Variants in EPHA6 observed in about 807,000 individuals in gnomAD.
EPHA6 encodes EPH receptor A6.
A neutral mutation model predicts 112.0 loss-of-function variants in EPHA6; 50 were observed. That is an observed-to-expected ratio of 0.45 (90% confidence interval 0.36 to 0.56). The LOEUF (loss-of-function observed/expected upper bound fraction) is 0.56. Among genes scored for constraint, EPHA6 ranks in the 20% least tolerant of loss-of-function variants. The pLI, the probability that EPHA6 is intolerant of heterozygous loss-of-function variation, is 0.00. For synonymous variants in EPHA6, 529 were observed against 490.7 expected, an observed-to-expected ratio of 1.08 and a Z score of -1.03; for missense variants, 1,280 against 1,417.4, an observed-to-expected ratio of 0.90 and a Z score of 1.56.
intron 13 of EPHA6, among the ~76,000 whole-genome samples, chr3:97,614,133 A>C (rs2093743167): frequency 6.6e-6 from 1 of 152,078 alleles, no homozygotes; most frequent in Non-Finnish European, 1.5e-5. Flanking sequence ...ATTATACTTT[A>C]AGTTTTAGGG....
rs2084487821 is a variant in EPHA6, at chr3:97,363,210, AT to A, written c.1607-41939del. Among the ~76,000 whole-genome samples, 7 of 87,588 alleles carry A rather than the reference AT, an allele frequency of 8.0e-5. 1 individual carries two copies. The South Asian group carries it at 1.1e-3, about 13-fold the overall frequency. 57.5% of individuals were successfully genotyped at this position (87,588 alleles called of 152,430 possible). On this transcript the variant is annotated intron_variant, in intron 5 of 17. Coordinates refer to ENST00000389672, the MANE Select transcript of EPHA6 (RefSeq NM_001080448.3). ...TATATATATATATATATATATATAT[AT>A]ATATATATATATATATATATATATA...
intron 2 of EPHA6, among the ~76,000 whole-genome samples, chr3:96,895,831 C>T (rs1338777269): frequency 6.6e-6 from 1 of 152,182 alleles, no homozygotes; most frequent in East Asian, 1.9e-4. Flanking sequence ...CATCTTTCCT[C>T]CGTGTATATC....
intron 3 of EPHA6, among the ~76,000 whole-genome samples, chr3:97,149,846 TATA>T (rs1291150860): frequency 6.7e-6 from 1 of 149,288 alleles, no homozygotes; most frequent in Non-Finnish European, 1.5e-5. Context: ...TATAATGTAT[TATA>T]ATACATATAA....
At chr3:96,964,611 T>A (rs1343489579) in intron 2 of EPHA6, among the ~76,000 whole-genome samples, 1 of 152,218 alleles carries the variant, frequency 6.6e-6, no homozygotes, top group Non-Finnish European at 1.5e-5. Flanking sequence ...TAGCACTGAT[T>A]GATGCATACG....
At chr3:96,965,902 C>T (rs1559628619) in intron 2 of EPHA6, among the ~76,000 whole-genome samples, 1 of 151,960 alleles carries the variant, frequency 6.6e-6, no homozygotes, top group Non-Finnish European at 1.5e-5. Flanking sequence ...AGAATAGTTG[C>T]ACTGTGATTT....
chr3:97,654,922 A>G (rs1162175674), intron 14 of EPHA6, among the ~76,000 whole-genome samples: 1 of 151,454 alleles, frequency 6.6e-6, no homozygotes, highest in Non-Finnish European at 1.5e-5. Context: ...CTGTATATTG[A>G]GATTGATTTA....
intron 5 of EPHA6, among the ~76,000 whole-genome samples, chr3:97,380,316 G>A (rs1056707892): frequency 4.6e-5 from 7 of 152,068 alleles, no homozygotes; most frequent in South Asian, 2.1e-4. Flanking sequence ...ATCTATACTC[G>A]GGTAGAATAA....
At chr3:97,264,060 C>A (rs79785052) in intron 5 of EPHA6, among the ~76,000 whole-genome samples, 11,560 of 152,230 alleles carry the variant, frequency 0.076, 982 homozygotes, top group Admixed American at 0.21. Context: ...GCAGGTTATA[C>A]ATTTTCTGTC....
chr3:97,466,173 A>AT lies in EPHA6; in HGVS notation c.1895-9176dup, dbSNP rs1410707453. On this transcript the variant is annotated intron_variant, in intron 7 of 17. Coordinates refer to ENST00000389672, the MANE Select transcript of EPHA6 (RefSeq NM_001080448.3). Reference sequence around the variant, plus strand: ...AGAAAGGTAAGCACATTTCCACTCCATTTCACCCTACACTTCCAATCCTAT... The same window carrying AT: ...AGAAAGGTAAGCACATTTCCACTCCATTTTCACCCTACACTTCCAATCCTAT... 7 of 681,610 alleles carry AT rather than the reference A, an allele frequency of 1.0e-5. No homozygotes were observed. The Admixed American group carries it at 1.3e-4, about 13-fold the overall frequency. 42.2% of individuals were successfully genotyped at this position (681,610 alleles called of 1,614,324 possible).
At chr3:97,520,236 G>A (rs2092518846) in intron 10 of EPHA6, among the ~76,000 whole-genome samples, 1 of 151,966 alleles carries the variant, frequency 6.6e-6, no homozygotes, top group Admixed American at 6.6e-5. Context: ...CAAAGTGCTG[G>A]GATTACAGGT....
intron 13 of EPHA6, among the ~76,000 whole-genome samples, chr3:97,617,967 A>G (rs1475710351): frequency 6.6e-6 from 1 of 152,180 alleles, no homozygotes; most frequent in Non-Finnish European, 1.5e-5. Context: ...CTCCAATGCA[A>G]CAGCATATAC....
chr3:96,927,476 C>T (rs923106001), intron 2 of EPHA6, among the ~76,000 whole-genome samples: 1 of 152,154 alleles, frequency 6.6e-6, no homozygotes, highest in Non-Finnish European at 1.5e-5. Context: ...TGTTTTTACT[C>T]TTTTCTTTTA....
intron 5 of EPHA6, among the ~76,000 whole-genome samples, chr3:97,397,009 T>A (rs1425647900): frequency 6.6e-6 from 1 of 151,554 alleles, no homozygotes; most frequent in Admixed American, 6.6e-5. Context: ...CAGAAAGGTT[T>A]ATATTTAAAA....
intron 3 of EPHA6, among the ~76,000 whole-genome samples, chr3:97,050,779 G>GA (rs1377443151): frequency 2.6e-5 from 4 of 152,082 alleles, no homozygotes; most frequent in South Asian, 4.1e-4. Flanking sequence ...TTAAACAGGA[G>GA]AAACTAAATA....
intron 3 of EPHA6, among the ~76,000 whole-genome samples, chr3:97,035,277 T>C (rs373338305): frequency 4.6e-5 from 7 of 151,974 alleles, no homozygotes; most frequent in African/African-American, 1.4e-4. Context: ...TCTTCTTTTT[T>C]CTTATGCTAT....
intron 6 of EPHA6, among the ~76,000 whole-genome samples, chr3:97,416,297 C>G (rs145405796): frequency 6.6e-6 from 1 of 151,898 alleles, no homozygotes; most frequent in East Asian, 1.9e-4. Context: ...AAATTAAATC[C>G]AAGACTTTTT....
rs901494628 is a variant in EPHA6 at position 97,350,948 on chromosome 3, T to C, written c.1607-54202T>C. Among the ~76,000 whole-genome samples, 4 of 152,190 alleles carry C rather than the reference T, an allele frequency of 2.6e-5. No individual in the cohort carries two copies. In the South Asian group the frequency reaches 6.2e-4, roughly 24 times the overall value. On this transcript the variant is annotated intron_variant, in intron 5 of 17. Coordinates refer to ENST00000389672, the MANE Select transcript of EPHA6 (RefSeq NM_001080448.3). Reference sequence around the variant, plus strand: ...AATATGAGATGTCAGGAAATCCTAATGTGGCATAAATAGTTCTTGCTAAAT... The same window carrying C: ...AATATGAGATGTCAGGAAATCCTAACGTGGCATAAATAGTTCTTGCTAAAT...
At chr3:97,280,382 A>T (rs9858536) in intron 5 of EPHA6, among the ~76,000 whole-genome samples, 7,765 of 152,268 alleles carry the variant, frequency 0.051, 629 homozygotes, top group African/African-American at 0.17. Flanking sequence ...TAATATTATT[A>T]TTGCTGGTAT....
chr3:97,589,195 G>A (rs1229346557), intron 11 of EPHA6, among the ~76,000 whole-genome samples: 2 of 151,034 alleles, frequency 1.3e-5, no homozygotes, highest in African/African-American at 4.9e-5. Flanking sequence ...TCTCTCGTTA[G>A]TGTTAGTGTA....
Sources: gnomAD v4.1 joint callset for allele counts (sites outside exome capture counted in the v4.1 genomes callset) on GRCh38, gnomAD v4.1.1 for gene constraint, MANE v1.5 for transcripts, NCBI Gene and HGNC (gene_info 2026-07-23, HGNC 2026-07-21) for gene names.